The following LMBR1 variants were observed in gnomAD, a reference collection of about 807,000 sequenced individuals.
LMBR1 encodes limb region 1 protein homolog.
Under a neutral mutation model 73.9 loss-of-function variants are expected in LMBR1, and 52 were observed. The observed-to-expected ratio is 0.70, with a 90% CI of 0.56 to 0.89. The LOEUF is 0.89. Ranked by LOEUF, LMBR1 falls within the 40% of genes least tolerant of loss-of-function variation. LMBR1 has a pLI of 0.00. For synonymous variants in LMBR1, 215 were observed against 209.4 expected (o/e 1.03, Z -0.23); for missense variants, 539 against 579.8 (o/e 0.93, Z 0.72).
At chr7:156,676,650 T>C (rs748625528), downstream of LMBR1, 10 of 1,612,396 alleles carry the variant, frequency 6.2e-6, no homozygotes, top group South Asian at 1.1e-4. Context: ...GATTCTTGAA[T>C]GTTGAATTCA....
intron 4 of LMBR1, among the ~76,000 whole-genome samples, chr7:156,805,215 C>CT (rs58044015): frequency 0.14 from 17,139 of 122,680 alleles, 1,580 homozygotes; most frequent in African/African-American, 0.19. Flanking sequence ...ACATCATGCA[C>CT]TTTTTTTTTT....
chr7:156,796,905 T>C (rs950254620), intron 4 of LMBR1, among the ~76,000 whole-genome samples: 15 of 152,174 alleles, frequency 9.9e-5, no homozygotes, highest in African/African-American at 3.4e-4. Context: ...ATAAAAACCC[T>C]AAAAATAATA....
chr7:156,807,189 T>C (rs1167255463), intron 4 of LMBR1, among the ~76,000 whole-genome samples: 1 of 152,246 alleles, frequency 6.6e-6, no homozygotes, highest in Non-Finnish European at 1.5e-5. Context: ...CATGAAACTT[T>C]CAGTTTTCAT....
chr7:156,759,578 T>C (rs1822582388), intron 8 of LMBR1, among the ~76,000 whole-genome samples: 2 of 152,184 alleles, frequency 1.3e-5, no homozygotes, highest in Admixed American at 6.5e-5. Context: ...CTAGCATATA[T>C]AATACACTCA....
intron 7 of LMBR1, among the ~76,000 whole-genome samples, chr7:156,762,399 G>C (rs905063331): frequency 6.6e-6 from 1 of 152,142 alleles, no homozygotes; most frequent in Non-Finnish European, 1.5e-5. Context: ...CATGTGAGCA[G>C]GATAGGTGTA....
downstream of LMBR1, among the ~76,000 whole-genome samples, chr7:156,674,076 T>C (rs1249710743): frequency 6.6e-6 from 1 of 152,202 alleles, no homozygotes; most frequent in African/African-American, 2.4e-5. Flanking sequence ...TCAAGCCGGA[T>C]TCCATGAAGC....
rs569365896 is a variant in LMBR1 at position 156,877,976 on chromosome 7, G to GA, written c.66+14951dup. Among the ~76,000 whole-genome samples, 396 of 151,330 alleles carry GA rather than the reference G, an allele frequency of 2.6e-3. 2 individuals carry two copies. The highest frequency in any genetic ancestry group is 9.3e-3 in the African/African-American group (385 of 41,270). ...TCACATGATCATCTAAATAGACACA[G>GA]AAAAAGCATTTAACAAAATCCAGCA... On this transcript the variant is annotated intron_variant, in intron 1 of 16. Transcript: ENST00000353442.
At position 156,780,152 on chromosome 7, in the gene LMBR1, A is replaced by C. The variant is rs546526375; in HGVS notation, c.423+16237T>G. ...AAGCTTTGTTAAGGTCTATAGTAAAACAGTGAAATGTTTTTTAATATTAAT... is the reference window on the plus strand; with the variant it reads ...AAGCTTTGTTAAGGTCTATAGTAAACCAGTGAAATGTTTTTTAATATTAAT... On this transcript the variant is annotated intron_variant, in intron 5 of 16. Coordinates refer to ENST00000353442, the MANE Select transcript of LMBR1 (RefSeq NM_022458.4). Among the ~76,000 whole-genome samples, 8 of 152,306 alleles carry C rather than the reference A, an allele frequency of 5.3e-5. No individual in the cohort carries two copies. The South Asian group carries it at 1.2e-3, about 24-fold the overall frequency.
chr7:156,697,249 A>C (rs1808485384), intron 15 of LMBR1, among the ~76,000 whole-genome samples: 1 of 152,120 alleles, frequency 6.6e-6, no homozygotes, highest in African/African-American at 2.4e-5. Flanking sequence ...AGAACTACTA[A>C]TAAGGATCTA....
At chr7:156,720,557 A>T (rs1342558994) in intron 15 of LMBR1, among the ~76,000 whole-genome samples, 1 of 152,080 alleles carries the variant, frequency 6.6e-6, no homozygotes, top group Non-Finnish European at 1.5e-5. Context: ...AGAATTCTTT[A>T]TTCTTAAAGA....
rs563117132 is a variant in LMBR1, at chr7:156,756,804, A to G, written c.685-339T>C. Among the ~76,000 whole-genome samples the G allele has an allele frequency of 5.5e-4, 84 of 152,040 alleles. 2 individuals are homozygous for G. Among genetic ancestry groups the G allele is most frequent in the African/African-American group, 1.9e-3 (77 of 41,466 alleles). ...TCTGAGATGTGGGCTACATGTATGA[A>G]TTTTTTTATTATTGTTTGTTTGTTT... On this transcript the variant is annotated intron_variant, in intron 8 of 16. Transcript: ENST00000353442.
chr7:156,839,017 CT>C (rs1247371504), intron 1 of LMBR1, among the ~76,000 whole-genome samples: 1 of 126,544 alleles, frequency 7.9e-6, no homozygotes, highest in Non-Finnish European at 1.7e-5. Context: ...TGTATGTCTT[CT>C]TTTGAGAAAT....
At chr7:156,876,635 T>G (rs1338238673) in intron 1 of LMBR1, among the ~76,000 whole-genome samples, 1 of 152,096 alleles carries the variant, frequency 6.6e-6, no homozygotes, top group Non-Finnish European at 1.5e-5. Flanking sequence ...CTGACCACAG[T>G]GGAATAAAAC....
intron 3 of LMBR1, among the ~76,000 whole-genome samples, chr7:156,831,996 T>C (rs912728661): frequency 6.6e-6 from 1 of 152,202 alleles, no homozygotes; most frequent in Admixed American, 6.5e-5. Context: ...AAGTGAATTT[T>C]TAAAGGAGCT....
intron 16 of LMBR1, among the ~76,000 whole-genome samples, chr7:156,686,756 T>TCA (rs1191176686): frequency 6.6e-6 from 1 of 152,264 alleles, no homozygotes; most frequent in Non-Finnish European, 1.5e-5. Flanking sequence ...TGCAACCATC[T>TCA]CATTTAGCGA....
chr7:156,870,336 TAAG>T lies in LMBR1; in HGVS notation c.66+22589_66+22591del, dbSNP rs1331396659. ...GTAACAAAACAAGCCTTAGCAAATT[TAAG>T]AAGGCTGAAATCATACTAAGTGTAT... On this transcript the variant is annotated intron_variant, in intron 1 of 16. Transcript: ENST00000353442. 3.3e-5 allele frequency among the ~76,000 whole-genome samples: 5 copies of T among 152,324 alleles called. No homozygotes were observed. In the South Asian group the frequency reaches 6.2e-4, roughly 19 times the overall value.
intron 15 of LMBR1, among the ~76,000 whole-genome samples, chr7:156,700,404 A>AG (rs58820954): frequency 6.6e-6 from 1 of 150,958 alleles, no homozygotes; most frequent in African/African-American, 2.4e-5. Context: ...GGGTGGGAGG[A>AG]GGGGGGGAGG....
chr7:156,751,093 G>C (rs916891322), intron 9 of LMBR1, among the ~76,000 whole-genome samples: 4 of 152,198 alleles, frequency 2.6e-5, no homozygotes, highest in African/African-American at 9.7e-5. Flanking sequence ...CTGGGTGACA[G>C]AGTGAGACCT....
chr7:156,843,163 A>G (rs888561069), intron 1 of LMBR1, among the ~76,000 whole-genome samples: 19 of 152,126 alleles, frequency 1.2e-4, no homozygotes, highest in Non-Finnish European at 2.1e-4. Flanking sequence ...GCCAGCCTTT[A>G]AACAATCTTC....
Sources: gnomAD v4.1 joint callset for allele counts (sites outside exome capture counted in the v4.1 genomes callset) on GRCh38, gnomAD v4.1.1 for gene constraint, MANE v1.5 for transcripts, NCBI Gene and HGNC (gene_info 2026-07-23, HGNC 2026-07-21) for gene names.